Variants in SLC39A11 observed in about 807,000 individuals in gnomAD.
SLC39A11 encodes zinc transporter ZIP11.
In SLC39A11, 33 loss-of-function variants were observed where a neutral mutation model predicts 36.1. That is an observed-to-expected ratio of 0.91 (90% CI 0.69 to 1.22). The LOEUF is 1.22. Ranked by LOEUF, SLC39A11 falls within the 50% of genes most tolerant of loss-of-function variation. The pLI is 0.00. For missense variants in SLC39A11, 432 were observed against 430.3 expected (o/e 1.00, Z -0.03); for synonymous variants, 166 against 170.3 (o/e 0.97, Z 0.20).
chr17:72,806,722 A>G (rs2077269206), intron 6 of SLC39A11, among the ~76,000 whole-genome samples: 1 of 152,132 alleles, frequency 6.6e-6, no homozygotes, highest in South Asian at 2.1e-4. Flanking sequence ...AGCTGGGATT[A>G]CAGGCGCCCG....
chr17:73,063,350 G>A (rs1401099598), intron 3 of SLC39A11, among the ~76,000 whole-genome samples: 2 of 152,128 alleles, frequency 1.3e-5, no homozygotes, highest in East Asian at 1.9e-4. Flanking sequence ...GAAGGCCTAC[G>A]CTGCTAATAG....
chr17:72,900,226 A>G lies in SLC39A11; in HGVS notation c.430+47526T>C, dbSNP rs184521510. 1.2e-3 allele frequency among the ~76,000 whole-genome samples: 186 copies of G among 151,244 alleles called. 5 individuals are homozygous for G. Among genetic ancestry groups the G allele is most frequent in the South Asian group, 2.5e-3 (12 of 4,770 alleles). On this transcript the variant is annotated intron_variant, in intron 5 of 9. Transcript: ENST00000255559. ...GAAAGAAAGAAAGAAAGAAAGAAAG[A>G]AAGAAAAAGACAGCAAGGCAAGGAG...
intron 7 of SLC39A11, among the ~76,000 whole-genome samples, chr17:72,690,692 C>T (rs577883514): frequency 5.9e-5 from 9 of 152,284 alleles, no homozygotes; most frequent in African/African-American, 1.7e-4. Flanking sequence ...TCAGTGACAT[C>T]GGAGACACCA....
intron 3 of SLC39A11, among the ~76,000 whole-genome samples, chr17:73,079,828 A>G (rs754813172): frequency 2.0e-5 from 3 of 152,242 alleles, no homozygotes; most frequent in Non-Finnish European, 4.4e-5. Flanking sequence ...TATACATATC[A>G]GTAGCTCTGC....
At chr17:72,877,488 G>A (rs1324948147) in intron 5 of SLC39A11, among the ~76,000 whole-genome samples, 1 of 152,186 alleles carries the variant, frequency 6.6e-6, no homozygotes, top group Non-Finnish European at 1.5e-5. Context: ...GGGGAAAATG[G>A]CCTCAACCTT....
intron 4 of SLC39A11, chr17:72,992,943 A>G (rs1166354017): frequency 6.6e-6 from 1 of 152,280 alleles, no homozygotes; most frequent in African/African-American, 2.4e-5. Flanking sequence ...CGAAAGGCAC[A>G]TCTTACATGC....
intron 5 of SLC39A11, among the ~76,000 whole-genome samples, chr17:72,870,308 T>C (rs890022369): frequency 1.3e-5 from 1 of 78,272 alleles, no homozygotes; most frequent in African/African-American, 5.4e-5. Flanking sequence ...AGATTATCTC[T>C]GAACATCCCA....
In SLC39A11 at chr17:72,955,298, C is replaced by CTTTTTTTTTTTTTTTTTT. The variant is rs71359751; in HGVS notation, c.307-7441_307-7424dup. Among the ~76,000 whole-genome samples, 17 of 65,574 alleles carry CTTTTTTTTTTTTTTTTTT rather than the reference C, an allele frequency of 2.6e-4. 1 individual carries two copies. The highest frequency in any genetic ancestry group is 1.3e-3 in the East Asian group (2 of 1,504). 43.0% of individuals were successfully genotyped at this position (65,574 alleles called of 152,430 possible). On this transcript the variant is annotated intron_variant, in intron 4 of 9. Coordinates refer to ENST00000255559, the MANE Select transcript of SLC39A11 (RefSeq NM_139177.4). Reference sequence around the variant, plus strand: ...GAATAGGCTTTAACTTTTCAGTTCTCTTTTTTTTTTTTTTTTTTTTGTTTG... The same window carrying CTTTTTTTTTTTTTTTTTT: ...GAATAGGCTTTAACTTTTCAGTTCTCTTTTTTTTTTTTTTTTTTTTTTTTTTTTTTTTTTTTTTGTTTG...
At chr17:72,957,926 G>A (rs1179477664) in intron 4 of SLC39A11, among the ~76,000 whole-genome samples, 1 of 152,190 alleles carries the variant, frequency 6.6e-6, no homozygotes, top group Admixed American at 6.5e-5. Context: ...GAGGGGTGAG[G>A]AGGTTACAGG....
intron 5 of SLC39A11, among the ~76,000 whole-genome samples, chr17:72,870,042 T>C (rs1458025241): frequency 6.6e-6 from 1 of 152,108 alleles, no homozygotes; most frequent in Non-Finnish European, 1.5e-5. Flanking sequence ...CTTTTTTTTT[T>C]GTTTAGCATA....
At chr17:72,931,437 G>A (rs1437602410) in intron 5 of SLC39A11, among the ~76,000 whole-genome samples, 1 of 152,148 alleles carries the variant, frequency 6.6e-6, no homozygotes, top group Non-Finnish European at 1.5e-5. Context: ...TTCACCTGTG[G>A]GACTGTGCCT....
At chr17:73,045,919 T>C (rs1214902485) in intron 3 of SLC39A11, among the ~76,000 whole-genome samples, 1 of 152,110 alleles carries the variant, frequency 6.6e-6, no homozygotes, top group Non-Finnish European at 1.5e-5. Context: ...ATCAGCACTC[T>C]CTCAGCTCAG....
chr17:72,838,496 C>G (rs939595701), intron 6 of SLC39A11, among the ~76,000 whole-genome samples: 4 of 152,142 alleles, frequency 2.6e-5, no homozygotes. Context: ...TCCCAAAATG[C>G]TGGGATTACA....
rs367769885 is a variant in SLC39A11 at position 72,652,013 on chromosome 17, T to G, written c.672-2745A>C. Among the ~76,000 whole-genome samples the G allele has an allele frequency of 8.5e-5, 13 of 152,210 alleles. 1 individual carries two copies. The East Asian group carries it at 1.2e-3, about 14-fold the overall frequency. On this transcript the variant is annotated intron_variant, in intron 7 of 9. Transcript: ENST00000255559. Reference sequence around the variant, plus strand: ...TCCCTGGATCTAGGGGGCAGCAAACTTTTTCTGTCATGGGCCAGATAGTAA... The same window carrying G: ...TCCCTGGATCTAGGGGGCAGCAAACGTTTTCTGTCATGGGCCAGATAGTAA...
chr17:72,896,087 T>C (rs934241222), intron 5 of SLC39A11, among the ~76,000 whole-genome samples: 2 of 151,996 alleles, frequency 1.3e-5, no homozygotes, highest in Admixed American at 6.6e-5. Context: ...GGCATTCTGG[T>C]TATATGATTT....
intron 6 of SLC39A11, among the ~76,000 whole-genome samples, chr17:72,762,549 C>G (rs2075625406): frequency 6.6e-6 from 1 of 152,190 alleles, no homozygotes; most frequent in Non-Finnish European, 1.5e-5. Context: ...AATGGGCAAC[C>G]AGCAGCCCTT....
chr17:73,033,056 C>G (rs1195581488), intron 3 of SLC39A11, among the ~76,000 whole-genome samples: 2 of 152,230 alleles, frequency 1.3e-5, no homozygotes, highest in African/African-American at 2.4e-5. Flanking sequence ...AGTTCCACCT[C>G]AGATCATCGG....
intron 3 of SLC39A11, among the ~76,000 whole-genome samples, chr17:73,081,689 GTA>G (rs1347520174): frequency 7.3e-6 from 1 of 136,528 alleles, no homozygotes; most frequent in Non-Finnish European, 1.6e-5. Context: ...ACACATATAT[GTA>G]TATATGTATG....
At chr17:72,709,821 T>C (rs532952524) in intron 7 of SLC39A11, among the ~76,000 whole-genome samples, 1 of 152,350 alleles carries the variant, frequency 6.6e-6, no homozygotes, top group East Asian at 1.9e-4. Flanking sequence ...CTGGATGGTT[T>C]TGTGATATTT....
Sources: allele counts gnomAD v4.1 joint callset (sites outside exome capture counted in the v4.1 genomes callset), GRCh38; gene constraint gnomAD v4.1.1; transcripts MANE v1.5; gene names NCBI Gene and HGNC (gene_info 2026-07-23, HGNC 2026-07-21).